CNTNAP2: variants seen among roughly 807,000 people sequenced by gnomAD.
CNTNAP2 encodes contactin associated protein 2.
Under a neutral mutation model 155.2 loss-of-function variants are expected in CNTNAP2, and 98 were observed. The ratio of observed to expected loss-of-function variants is 0.63; its 90% CI spans 0.54 to 0.75. The LOEUF (loss-of-function observed/expected upper bound fraction) is 0.75. Ranked by LOEUF, CNTNAP2 falls within the 30% of genes least tolerant of loss-of-function variation. CNTNAP2 has a pLI of 0.00. For synonymous variants in CNTNAP2, 651 were observed against 631.2 expected (o/e 1.03, Z -0.47); for missense variants, 1,727 against 1,688.1 (o/e 1.02, Z -0.40).
intron 2 of CNTNAP2, among the ~76,000 whole-genome samples, chr7:146,820,838 C>T (rs1298217319): frequency 1.3e-5 from 2 of 152,146 alleles, no homozygotes; most frequent in Non-Finnish European, 2.9e-5. Flanking sequence ...CTTTATGAAT[C>T]TGGGTGCTCC....
At chr7:146,982,372 T>C (rs538160912) in intron 3 of CNTNAP2, among the ~76,000 whole-genome samples, 8 of 152,158 alleles carry the variant, frequency 5.3e-5, no homozygotes, top group Non-Finnish European at 1.2e-4. Context: ...ACCCCATTCT[T>C]TGTGTTTTTT....
intron 1 of CNTNAP2, among the ~76,000 whole-genome samples, chr7:146,162,539 A>G (rs1164449565): frequency 1.3e-5 from 2 of 152,322 alleles, no homozygotes; most frequent in East Asian, 3.9e-4. Flanking sequence ...AGAAATAGGA[A>G]TGCTTTTACA....
intron 20 of CNTNAP2, among the ~76,000 whole-genome samples, chr7:148,249,354 T>C (rs142721689): frequency 5.6e-4 from 86 of 152,292 alleles, no homozygotes; most frequent in Non-Finnish European, 9.4e-4. Flanking sequence ...TTCTCCCTCA[T>C]GGGCCCCTTT....
chr7:147,431,579 C>T (rs1056146118), intron 10 of CNTNAP2, among the ~76,000 whole-genome samples: 12 of 152,356 alleles, frequency 7.9e-5, no homozygotes, highest in South Asian at 4.1e-4. Flanking sequence ...CCGCTCCAAT[C>T]TGGCTTTCAC....
chr7:147,158,771 T>C (rs1801972589), intron 8 of CNTNAP2, among the ~76,000 whole-genome samples: 1 of 152,128 alleles, frequency 6.6e-6, no homozygotes, highest in African/African-American at 2.4e-5. Flanking sequence ...AATTACGTTC[T>C]TGTTGAGCAA....
intron 21 of CNTNAP2, among the ~76,000 whole-genome samples, chr7:148,270,099 C>T (rs10464459): frequency 0.99 from 150,420 of 152,302 alleles, 74,307 homozygotes; most frequent in Middle Eastern, 1. Flanking sequence ...CCTCTGTTTT[C>T]CAGGTCATGT....
chr7:147,559,023 A>AATC (rs1227996582), intron 11 of CNTNAP2, among the ~76,000 whole-genome samples: 1 of 152,206 alleles, frequency 6.6e-6, no homozygotes, highest in Non-Finnish European at 1.5e-5. Flanking sequence ...GGCGTGAGCC[A>AATC]CCATGCCCGG....
intron 15 of CNTNAP2, among the ~76,000 whole-genome samples, chr7:148,072,335 G>C (rs1266263042): frequency 2.0e-5 from 3 of 152,066 alleles, no homozygotes; most frequent in Admixed American, 1.3e-4. Flanking sequence ...AGTATTTCAG[G>C]CTTTTTGAGC....
intron 9 of CNTNAP2, among the ~76,000 whole-genome samples, chr7:147,347,457 C>CATATATATATATATGCATATAT (rs1795891617): frequency 6.0e-5 from 3 of 49,994 alleles, no homozygotes; most frequent in African/African-American, 1.6e-4. Context: ...TATATATATG[C>CATATATATATATATGCATATAT]ATATATATAT....
At chr7:148,116,422 A>C (rs2116605676) in intron 15 of CNTNAP2, among the ~76,000 whole-genome samples, 1 of 152,306 alleles carries the variant, frequency 6.6e-6, no homozygotes, top group Non-Finnish European at 1.5e-5. Context: ...GACTTTCCAC[A>C]TTAACCAATC....
At position 148,002,251 on chromosome 7, in the gene CNTNAP2, G is replaced by GAAGATGAT. The variant is rs563634321; in HGVS notation, c.2383+24266_2383+24273dup. 2.0e-3 allele frequency among the ~76,000 whole-genome samples: 308 copies of GAAGATGAT among 152,202 alleles called. 2 individuals carry two copies. The highest frequency in any genetic ancestry group is 2.9e-3 in the Non-Finnish European group (194 of 68,006). On this transcript the variant is annotated intron_variant, in intron 15 of 23. Transcript: ENST00000361727. ...CCAGCCACGTGTATTTTCATGGTAGGAAGATGATAAGCATACGCTTTTTCA... is the reference window on the plus strand; with the variant it reads ...CCAGCCACGTGTATTTTCATGGTAGGAAGATGATAAGATGATAAGCATACGCTTTTTCA...
rs7783268 is a variant in CNTNAP2 at position 146,369,168 on chromosome 7, C to T, written c.97+252195C>T. ...GGATCATTTTCCTTTGCCAGCATTA[C>T]GTGTGTGTATGTGTGTGTATGTGTG... is the stretch of plus-strand genomic sequence containing the variant. On this transcript the variant is annotated intron_variant, in intron 1 of 23. Coordinates refer to ENST00000361727, the MANE Select transcript of CNTNAP2 (RefSeq NM_014141.6). Among the ~76,000 whole-genome samples, 1,428 of 150,816 alleles carry T rather than the reference C, an allele frequency of 9.5e-3. 26 individuals carry two copies. The highest frequency in any genetic ancestry group is 0.032 in the African/African-American group (1,302 of 41,164).
chr7:146,993,523 G>A (rs957581431), intron 3 of CNTNAP2, among the ~76,000 whole-genome samples: 23 of 151,984 alleles, frequency 1.5e-4, no homozygotes, highest in African/African-American at 5.1e-4. Context: ...TTTTCCTGGC[G>A]CTGGCTGTGA....
chr7:147,058,508 G>C (rs2129261444), intron 4 of CNTNAP2, among the ~76,000 whole-genome samples: 1 of 152,188 alleles, frequency 6.6e-6, no homozygotes, highest in South Asian at 2.1e-4. Context: ...TAGCATAAAG[G>C]CTGATTTTCT....
chr7:147,706,359 G>T (rs148336156), intron 13 of CNTNAP2, among the ~76,000 whole-genome samples: 2,505 of 151,832 alleles, frequency 0.016, 223 homozygotes, highest in Admixed American at 0.15. Context: ...TTGTCTGGGA[G>T]TTTATTTCTC....
intron 1 of CNTNAP2, among the ~76,000 whole-genome samples, chr7:146,734,165 G>T (rs1801572514): frequency 6.6e-6 from 1 of 152,122 alleles, no homozygotes; most frequent in African/African-American, 2.4e-5. Context: ...CAGAGGTACA[G>T]TAGGTGAGAC....
chr7:146,604,605 C>T (rs531879154), intron 1 of CNTNAP2, among the ~76,000 whole-genome samples: 3,150 of 117,502 alleles, frequency 0.027, 163 homozygotes, highest in African/African-American at 0.098. Flanking sequence ...AATCATGCTG[C>T]TATAAAGACA....
intron 4 of CNTNAP2, among the ~76,000 whole-genome samples, chr7:147,066,033 A>C (rs933730552): frequency 6.6e-6 from 1 of 152,208 alleles, no homozygotes; most frequent in Non-Finnish European, 1.5e-5. Flanking sequence ...AAACAAAACA[A>C]AAAACAAAGA....
At chr7:147,087,737 G>A (rs1288015748) in intron 4 of CNTNAP2, among the ~76,000 whole-genome samples, 1 of 152,164 alleles carries the variant, frequency 6.6e-6, no homozygotes, top group Non-Finnish European at 1.5e-5. Context: ...AGCACTTTGG[G>A]AGGCCAAGGT....
Sources: allele counts gnomAD v4.1 joint callset (sites outside exome capture counted in the v4.1 genomes callset), GRCh38; gene constraint gnomAD v4.1.1; transcripts MANE v1.5; gene names NCBI Gene and HGNC (gene_info 2026-07-23, HGNC 2026-07-21).